Variants in PARM1 observed in about 807,000 individuals in gnomAD.
PARM1 encodes the protein prostate androgen-regulated mucin-like protein 1.
In PARM1, 14 loss-of-function variants were observed where a neutral mutation model predicts 24.6. The observed-to-expected ratio is 0.57, with a 90% CI of 0.38 to 0.89. The LOEUF (loss-of-function observed/expected upper bound fraction) is 0.89. PARM1 is among the 40% of genes least tolerant of loss of function. PARM1 has a pLI of 0.00. For missense variants in PARM1, 362 were observed against 380.4 expected (o/e 0.95, Z 0.40); for synonymous variants, 179 against 156.6 (o/e 1.14, Z -1.07).
intron 1 of PARM1, among the ~76,000 whole-genome samples, chr4:74,943,730 A>T (rs2109981667): frequency 6.6e-6 from 1 of 152,348 alleles, no homozygotes; most frequent in South Asian, 2.1e-4. Context: ...TACCTTCACC[A>T]TTCGAGCATT....
chr4:75,006,071 C>T (rs1416238695), intron 1 of PARM1, among the ~76,000 whole-genome samples: 2 of 152,166 alleles, frequency 1.3e-5, no homozygotes, highest in Non-Finnish European at 2.9e-5. Context: ...CAAGGAAATA[C>T]TAATACTAAT....
In PARM1 at chr4:75,016,446, C is replaced by T. The variant is rs762547051; in HGVS notation, c.769+3296C>T. ...TATTTTAGATCAGTGGGTACATGCA[C>T]AGGTTTGTTACGTGGGTATATTGCG... is the stretch of plus-strand genomic sequence containing the variant. On this transcript the variant is annotated intron_variant, in intron 2 of 3. Coordinates refer to ENST00000307428, the MANE Select transcript of PARM1 (RefSeq NM_015393.4). Among the ~76,000 whole-genome samples the T allele has an allele frequency of 3.9e-4, 59 of 152,100 alleles. 1 individual carries two copies. Among genetic ancestry groups the T allele is most frequent in the Non-Finnish European group, 5.0e-4 (34 of 68,024 alleles).
At chr4:74,967,540 C>T (rs901448328) in intron 1 of PARM1, 2 of 152,122 alleles carry the variant, frequency 1.3e-5, no homozygotes, top group African/African-American at 4.8e-5. Flanking sequence ...CCCTTGAAGG[C>T]TTATAGTGGC....
intron 1 of PARM1, among the ~76,000 whole-genome samples, chr4:74,950,931 C>T (rs1245237115): frequency 6.6e-6 from 1 of 150,906 alleles, no homozygotes; most frequent in African/African-American, 2.4e-5. Context: ...CAAGCAGGAA[C>T]AAAGAAAATC....
At chr4:75,014,522 A>G (rs1339693085) in intron 2 of PARM1, among the ~76,000 whole-genome samples, 1 of 152,158 alleles carries the variant, frequency 6.6e-6, no homozygotes, top group Admixed American at 6.5e-5. Flanking sequence ...AGAGTTGACC[A>G]TGCCATCAGG....
At chr4:74,970,662 A>C (rs1722012709) in intron 1 of PARM1, among the ~76,000 whole-genome samples, 1 of 152,174 alleles carries the variant, frequency 6.6e-6, no homozygotes, top group South Asian at 2.1e-4. Flanking sequence ...CATGTTTCAA[A>C]TCCAGAGACC....
At position 75,048,012 on chromosome 4, in the gene PARM1, A is replaced by G. The variant is rs1723643606; in HGVS notation, c.*1765A>G. 1 of 152,224 alleles carries G rather than the reference A, an allele frequency of 6.6e-6. No individual in the cohort carries two copies. Among genetic ancestry groups the G allele is most frequent in the Admixed American group, 6.5e-5 (1 of 15,282 alleles). The allele number at this position is 152,224 out of a possible 1,614,324, so 9.4% of individuals were successfully genotyped here. On this transcript the variant is annotated 3_prime_UTR_variant, in exon 4 of 4. Transcript: ENST00000307428. ...TTCAAAATGTGTTGTATTGTCCTAC[A>G]GTGTCATAAAGAACCTGAAAATGAA...
At chr4:74,961,788 C>T (rs989680499) in intron 1 of PARM1, among the ~76,000 whole-genome samples, 4 of 152,092 alleles carry the variant, frequency 2.6e-5, no homozygotes, top group African/African-American at 9.7e-5. Context: ...AAGTATGTTA[C>T]CACTAGACCT....
At chr4:74,950,847 T>TC (rs1721508750) in intron 1 of PARM1, among the ~76,000 whole-genome samples, 3 of 152,060 alleles carry the variant, frequency 2.0e-5, no homozygotes, top group African/African-American at 7.2e-5. Context: ...GGGGGATTTT[T>TC]TTTTTTTTTA....
intron 2 of PARM1, among the ~76,000 whole-genome samples, chr4:75,028,493 C>G (rs1261517718): frequency 1.3e-5 from 2 of 152,270 alleles, no homozygotes; most frequent in East Asian, 1.9e-4. Context: ...AATCTCTGGA[C>G]CAGGAAGTGG....
intron 1 of PARM1, among the ~76,000 whole-genome samples, chr4:74,949,525 G>A (rs1427191508): frequency 6.6e-6 from 1 of 152,180 alleles, no homozygotes; most frequent in African/African-American, 2.4e-5. Flanking sequence ...TGTTAGCCAG[G>A]ATGGTCTCGA....
At chr4:75,039,528 A>AAAAAT (rs1376921362) in intron 3 of PARM1, among the ~76,000 whole-genome samples, 1 of 152,070 alleles carries the variant, frequency 6.6e-6, no homozygotes, top group East Asian at 1.9e-4. Flanking sequence ...AGCGAGAAAA[A>AAAAAT]AAAATAAAAT....
At chr4:75,031,207 T>G (rs563216080) in intron 2 of PARM1, among the ~76,000 whole-genome samples, 1 of 152,352 alleles carries the variant, frequency 6.6e-6, no homozygotes, top group East Asian at 1.9e-4. Flanking sequence ...TTCCCATGGC[T>G]GGCATCCACT....
At chr4:75,007,866 C>T (rs567856249) in intron 1 of PARM1, among the ~76,000 whole-genome samples, 17 of 152,298 alleles carry the variant, frequency 1.1e-4, no homozygotes, top group Admixed American at 5.2e-4. Context: ...GGAAAGGTCA[C>T]GTGAGGACAC....
In PARM1 at chr4:74,968,300, T is replaced by C. The variant is rs116598974; in HGVS notation, c.43+34930T>C. On this transcript the variant is annotated intron_variant, in intron 1 of 3. Transcript: ENST00000307428. ...CTTGAGCATTTGTTTCAAGATAAGA[T>C]TAAAAAATTATATCATTTGAAAATA... Among the ~76,000 whole-genome samples, 722 of 152,290 alleles carry C rather than the reference T, an allele frequency of 4.7e-3. 6 individuals are homozygous for C. The highest frequency in any genetic ancestry group is 0.016 in the African/African-American group (664 of 41,572).
rs1036911230 is a variant in PARM1 at position 75,041,190 on chromosome 4, T to A, written c.849-4973T>A. Among the ~76,000 whole-genome samples the A allele has an allele frequency of 2.8e-4, 43 of 151,952 alleles. 1 individual carries two copies. Among genetic ancestry groups the A allele is most frequent in the African/African-American group, 9.9e-4 (41 of 41,338 alleles). On this transcript the variant is annotated intron_variant, in intron 3 of 3. Coordinates refer to ENST00000307428, the MANE Select transcript of PARM1 (RefSeq NM_015393.4). Reference sequence around the variant, plus strand: ...GGCCTGATAGATGGTAAGTTTTCAATGAATACTTAAAGAAGCCAGGCAGGA... The same window carrying A: ...GGCCTGATAGATGGTAAGTTTTCAAAGAATACTTAAAGAAGCCAGGCAGGA...
chr4:74,978,338 T>C (rs1722177280), intron 1 of PARM1, among the ~76,000 whole-genome samples: 1 of 152,104 alleles, frequency 6.6e-6, no homozygotes. Flanking sequence ...CAAAACAGAC[T>C]TTAAACCAAC....
At position 75,042,432 on chromosome 4, in the gene PARM1, A is replaced by G. The variant is rs116113396; in HGVS notation, c.849-3731A>G. Among the ~76,000 whole-genome samples the G allele has an allele frequency of 2.1e-3, 314 of 152,340 alleles. 1 individual carries two copies. Among genetic ancestry groups the G allele is most frequent in the African/African-American group, 7.2e-3 (299 of 41,582 alleles). On this transcript the variant is annotated intron_variant, in intron 3 of 3. Coordinates refer to ENST00000307428, the MANE Select transcript of PARM1 (RefSeq NM_015393.4). ...TGCTGTTCAGGTTGAAATTAGATGA[A>G]GCAATGTTGCCTTATAAAGCAAGCA...
intron 1 of PARM1, among the ~76,000 whole-genome samples, chr4:74,997,370 T>A (rs1722594339): frequency 6.6e-6 from 1 of 152,166 alleles, no homozygotes; most frequent in Non-Finnish European, 1.5e-5. Flanking sequence ...GGTATATGTG[T>A]GGATAATATT....
Sources: allele counts gnomAD v4.1 joint callset (sites outside exome capture counted in the v4.1 genomes callset), GRCh38; gene constraint gnomAD v4.1.1; transcripts MANE v1.5; gene names NCBI Gene and HGNC (gene_info 2026-07-23, HGNC 2026-07-21).